Variants in HACL2 observed in about 807,000 individuals in gnomAD.
The protein encoded by HACL2 is 2-hydroxyacyl-CoA lyase 1 like.
the HACL2 span, among the ~76,000 whole-genome samples, chr19:15,120,996 G>A: frequency 6.6e-6 from 1 of 152,176 alleles, no homozygotes; most frequent in African/African-American, 2.4e-5. Flanking sequence ...CCAAGAGAGA[G>A]GGGCAAGGAG....
chr19:15,117,655 G>T, the HACL2 span: 1 of 449,066 alleles, frequency 2.2e-6, no homozygotes, highest in Non-Finnish European at 4.0e-6. Context: ...TTCCAGCCTG[G>T]GTGACAGAGC....
the HACL2 span, chr19:15,119,890 A>G: frequency 1.2e-6 from 1 of 848,090 alleles, no homozygotes; most frequent in East Asian, 2.8e-5. Flanking sequence ...CCCAAGATTA[A>G]GGCCCCAGTA....
At chr19:15,115,333 C>G in the HACL2 span, 3 of 1,614,168 alleles carry the variant, frequency 1.9e-6, no homozygotes, top group Non-Finnish European at 8.5e-7. Context: ...CTCGGCACTG[C>G]TGCTGGGCAT....
At chr19:15,119,636 C>T in the HACL2 span, 1 of 840,076 alleles carries the variant, frequency 1.2e-6, no homozygotes, top group Non-Finnish European at 1.9e-6. Flanking sequence ...CTGCAGCCTC[C>T]ACCTCCCAGG....
At chr19:15,117,546 G>A in the HACL2 span, 1 of 197,558 alleles carries the variant, frequency 5.1e-6, no homozygotes, top group Middle Eastern at 2.1e-3. Flanking sequence ...GCATGGTGGT[G>A]CATACTTGTA....
At chr19:15,116,802 C>A in the HACL2 span, 6 of 439,942 alleles carry the variant, frequency 1.4e-5, no homozygotes, top group African/African-American at 1.2e-4. Context: ...CCTCCCTCCA[C>A]CTCCTTCTGC....
chr19:15,115,928 G>T, the HACL2 span: 2 of 1,614,132 alleles, frequency 1.2e-6, no homozygotes, highest in Non-Finnish European at 1.7e-6. Flanking sequence ...AGACCTAGTC[G>T]GGAGGGGACC....
At chr19:15,122,232 A>T in the HACL2 span, among the ~76,000 whole-genome samples, 1 of 151,978 alleles carries the variant, frequency 6.6e-6, no homozygotes, top group Non-Finnish European at 1.5e-5. The surrounding 1 kb of genome is among the most constrained non-coding windows in gnomAD (Gnocchi z 4.0). Flanking sequence ...TAGCTGTGTG[A>T]CTTTGGGCAA....
the HACL2 span, among the ~76,000 whole-genome samples, chr19:15,121,500 G>A: frequency 6.6e-6 from 1 of 152,062 alleles, no homozygotes; most frequent in Admixed American, 6.6e-5. Flanking sequence ...AGAGGAGGAG[G>A]AGAAGAAAGG....
chr19:15,115,121 C>G, the HACL2 span: 1 of 1,038,026 alleles, frequency 9.6e-7, no homozygotes, highest in Admixed American at 1.8e-5. Context: ...CCCCTCCATC[C>G]CCTCCTCAGG....
chr19:15,115,606 G>A, the HACL2 span: 2 of 1,613,882 alleles, frequency 1.2e-6, no homozygotes, highest in South Asian at 1.1e-5. Context: ...TGCCCAGAGA[G>A]GGCACCTGCT....
chr19:15,123,116 C>T, the HACL2 span: 17 of 1,613,558 alleles, frequency 1.1e-5, no homozygotes, highest in East Asian at 3.8e-4. This position sits in a 1 kb window ranked among gnomAD's most constrained non-coding sequence, Gnocchi z 5.1. Flanking sequence ...GACTGGGTAC[C>T]TGCAGCAGAG....
At chr19:15,125,090 C>A in the HACL2 span, 1 of 1,500,634 alleles carries the variant, frequency 6.7e-7, no homozygotes, top group Non-Finnish European at 8.9e-7. Flanking sequence ...AAGGGCACTT[C>A]CCAGACTTGG....
the HACL2 span, chr19:15,119,083 C>A: frequency 6.9e-7 from 1 of 1,459,090 alleles, no homozygotes; most frequent in Non-Finnish European, 9.2e-7. Flanking sequence ...CCCACTAGAC[C>A]TTCCTCCTCC....
the HACL2 span, chr19:15,119,629 C>T: frequency 1.2e-6 from 1 of 861,356 alleles, no homozygotes. Flanking sequence ...CAGCTCACTG[C>T]AGCCTCCACC....
At chr19:15,119,235 T>G in the HACL2 span, 32 of 1,609,288 alleles carry the variant, frequency 2.0e-5, no homozygotes, top group Non-Finnish European at 2.5e-5. Context: ...AGGGGGTGGT[T>G]GCGGCCTAAC....
the HACL2 span, among the ~76,000 whole-genome samples, chr19:15,121,373 G>A: frequency 1.2e-4 from 19 of 152,250 alleles, no homozygotes; most frequent in East Asian, 1.4e-3. Context: ...ATGATGCCCC[G>A]TGCCTGTCCT....
chr19:15,116,939 C>G, the HACL2 span: 1 of 183,492 alleles, frequency 5.4e-6, no homozygotes, highest in South Asian at 1.3e-4. Context: ...TCTTTCACCA[C>G]CCCATTTTTC....
At chr19:15,123,371 T>C in the HACL2 span, 1 of 1,612,788 alleles carries the variant, frequency 6.2e-7, no homozygotes. This position sits in a 1 kb window ranked among gnomAD's most constrained non-coding sequence, Gnocchi z 5.1. Flanking sequence ...TGCAATGCCC[T>C]CACCGGACAG....
Sources: gnomAD v4.1 joint callset for allele counts (sites outside exome capture counted in the v4.1 genomes callset) on GRCh38, gnomAD v4.1.1 for gene constraint, Gnocchi (gnomAD v3.1) non-coding constraint, MANE v1.5 for transcripts, NCBI Gene and HGNC (gene_info 2026-07-23, HGNC 2026-07-21) for gene names.